Variants in SLC24A3 observed in about 807,000 individuals in gnomAD.
SLC24A3 encodes the protein solute carrier family 24 member 3, also known as sodium/potassium/calcium exchanger 3.
In SLC24A3, 28 loss-of-function variants were observed where a neutral mutation model predicts 75.8. The observed-to-expected ratio is 0.37, with a 90% CI of 0.27 to 0.51. The LOEUF (loss-of-function observed/expected upper bound fraction) is 0.51, where lower values mean the gene tolerates loss of function less well. Ranked by LOEUF, SLC24A3 falls within the 20% of genes least tolerant of loss-of-function variation. The pLI, the probability that SLC24A3 is intolerant of heterozygous loss-of-function variation, is 0.94. For missense variants in SLC24A3, 663 were observed against 847.8 expected, an observed-to-expected ratio of 0.78 and a Z score of 2.71; for synonymous variants, 372 against 334.1, an observed-to-expected ratio of 1.11 and a Z score of -1.24.
rs6046157 is a variant in SLC24A3, at chr20:19,518,803, A to C, written c.348+3239A>C. On this transcript the variant is annotated intron_variant, in intron 3 of 16. Coordinates refer to ENST00000328041, the MANE Select transcript of SLC24A3 (RefSeq NM_020689.4). ...AGTGACCCAGAGTCATCTGCCCTACAGTCAGTTGAGAAGAGCCCAGGCAGG... is the reference window on the plus strand; with the variant it reads ...AGTGACCCAGAGTCATCTGCCCTACCGTCAGTTGAGAAGAGCCCAGGCAGG... 2.8e-3 allele frequency among the ~76,000 whole-genome samples: 424 copies of C among 152,280 alleles called. 2 individuals carry two copies. Among genetic ancestry groups the C allele is most frequent in the African/African-American group, 9.7e-3 (402 of 41,578 alleles).
chr20:19,275,044 A>G (rs1053965739), intron 1 of SLC24A3, among the ~76,000 whole-genome samples: 2 of 152,216 alleles, frequency 1.3e-5, no homozygotes, highest in African/African-American at 4.8e-5. Flanking sequence ...TTCATCTGCA[A>G]ATGGGAGGCT....
At chr20:19,368,889 A>G (rs1380016370) in intron 2 of SLC24A3, among the ~76,000 whole-genome samples, 2 of 152,240 alleles carry the variant, frequency 1.3e-5, no homozygotes, top group African/African-American at 2.4e-5. Context: ...GAACATCAAA[A>G]TAAATAATGA....
At chr20:19,654,160 C>T (rs2032238710) in intron 7 of SLC24A3, 24 bp downstream of exon 7, 12 of 1,608,432 alleles carry the variant, frequency 7.5e-6, no homozygotes, top group Non-Finnish European at 8.5e-6. Flanking sequence ...GCCATTTCAG[C>T]TCCCATCAGT....
At chr20:19,348,219 C>T (rs1985474958) in intron 2 of SLC24A3, among the ~76,000 whole-genome samples, 1 of 152,196 alleles carries the variant, frequency 6.6e-6, no homozygotes, top group African/African-American at 2.4e-5. Context: ...TCTTTATGGG[C>T]TGGCAAAAGG....
chr20:19,643,251 C>T (rs936894289), intron 6 of SLC24A3, among the ~76,000 whole-genome samples: 1 of 152,110 alleles, frequency 6.6e-6, no homozygotes, highest in African/African-American at 2.4e-5. Flanking sequence ...GAGGAGTCAC[C>T]CACATTTTTA....
intron 1 of SLC24A3, among the ~76,000 whole-genome samples, chr20:19,248,703 C>T (rs1472255681): frequency 7.2e-5 from 11 of 152,064 alleles, no homozygotes; most frequent in Non-Finnish European, 1.0e-4. Context: ...CATTCCCATG[C>T]CTGTTGCAGC....
At chr20:19,354,970 A>G (rs1484138366) in intron 2 of SLC24A3, among the ~76,000 whole-genome samples, 1 of 152,102 alleles carries the variant, frequency 6.6e-6, no homozygotes, top group East Asian at 1.9e-4. Context: ...CTGTAAGGCA[A>G]AAATGCCAAC....
chr20:19,670,012 C>T (rs547567187), intron 8 of SLC24A3, among the ~76,000 whole-genome samples: 20 of 152,128 alleles, frequency 1.3e-4, no homozygotes, highest in East Asian at 9.7e-4. Context: ...GGTGAAAGGG[C>T]GAGAAAGGGG....
chr20:19,595,670 GA>G (rs770897211), intron 6 of SLC24A3, among the ~76,000 whole-genome samples: 5 of 152,170 alleles, frequency 3.3e-5, no homozygotes, highest in Non-Finnish European at 5.9e-5. Flanking sequence ...AACAAAACAG[GA>G]AAGGTTTCTT....
chr20:19,632,554 A>T (rs1600311676), intron 6 of SLC24A3, among the ~76,000 whole-genome samples: 1 of 152,314 alleles, frequency 6.6e-6, no homozygotes, highest in East Asian at 1.9e-4. Flanking sequence ...CAGATAATCC[A>T]GGCTAACCTC....
intron 15 of SLC24A3, among the ~76,000 whole-genome samples, chr20:19,703,762 C>A (rs1206115712): frequency 6.6e-6 from 1 of 152,212 alleles, no homozygotes; most frequent in Non-Finnish European, 1.5e-5. Flanking sequence ...AATGTTAGAT[C>A]AAAATAGTAA....
chr20:19,303,192 CTGT>C (rs1470976551), intron 2 of SLC24A3, among the ~76,000 whole-genome samples: 1 of 152,212 alleles, frequency 6.6e-6, no homozygotes, highest in African/African-American at 2.4e-5. Flanking sequence ...GCCCCAGTGT[CTGT>C]TGTTCCTTTT....
At chr20:19,477,757 A>G (rs536960976) in intron 2 of SLC24A3, among the ~76,000 whole-genome samples, 1 of 152,094 alleles carries the variant, frequency 6.6e-6, no homozygotes, top group African/African-American at 2.4e-5. Context: ...TCCTCTGACA[A>G]TTTCTCCCAT....
intron 3 of SLC24A3, among the ~76,000 whole-genome samples, chr20:19,543,220 T>C (rs1430328871): frequency 6.6e-6 from 1 of 152,160 alleles, no homozygotes; most frequent in Non-Finnish European, 1.5e-5. Flanking sequence ...ATACATTCAG[T>C]GAGTGACAGT....
intron 2 of SLC24A3, among the ~76,000 whole-genome samples, chr20:19,471,996 C>G (rs1987881538): frequency 6.6e-6 from 1 of 152,156 alleles, no homozygotes; most frequent in East Asian, 1.9e-4. Context: ...CCCAAGTTCT[C>G]CTGGGGTTTT....
At chr20:19,462,532 C>T (rs1311076853) in intron 2 of SLC24A3, among the ~76,000 whole-genome samples, 1 of 152,222 alleles carries the variant, frequency 6.6e-6, no homozygotes, top group East Asian at 1.9e-4. Context: ...AGCCCCAAAA[C>T]TCAGTGAGCA....
intron 7 of SLC24A3, among the ~76,000 whole-genome samples, chr20:19,655,427 T>C (rs1440530222): frequency 6.6e-6 from 1 of 152,166 alleles, no homozygotes; most frequent in Non-Finnish European, 1.5e-5. Flanking sequence ...GGGAAGAACA[T>C]TGAAATAGGA....
chr20:19,617,307 A>G (rs916429711), intron 6 of SLC24A3, among the ~76,000 whole-genome samples: 12 of 151,364 alleles, frequency 7.9e-5, no homozygotes, highest in African/African-American at 2.9e-4. Context: ...CTCTGCTGGT[A>G]GTTAGAAGGA....
chr20:19,654,137 G>A lies in SLC24A3; in HGVS notation c.687+1G>A. ...GCTGTCTGTGATCGCGCTCATCGTG[G>A]TGAGTCACTCTGGCCATTTCAGCTC... On this transcript the variant is annotated splice_donor_variant, in intron 7 of 16. Transcript: ENST00000328041. LOFTEE classifies it high-confidence loss of function. 6.2e-7 allele frequency: 1 copy of A among 1,613,536 alleles called. No homozygotes were observed. The highest frequency in any genetic ancestry group is 8.5e-7 in the Non-Finnish European group (1 of 1,179,570).
Sources: allele counts gnomAD v4.1 joint callset (sites outside exome capture counted in the v4.1 genomes callset), GRCh38; gene constraint gnomAD v4.1.1; transcripts MANE v1.5; gene names NCBI Gene and HGNC (gene_info 2026-07-23, HGNC 2026-07-21).